Variants in CCDC125 observed in about 807,000 individuals in gnomAD.
CCDC125 encodes the protein coiled-coil domain-containing protein 125.
CCDC125 carries 43 observed loss-of-function variants against 57.4 expected under a neutral mutation model. The observed-to-expected ratio is 0.75, with a 90% CI of 0.59 to 0.97. The LOEUF (loss-of-function observed/expected upper bound fraction) is 0.97, where lower values mean the gene tolerates loss of function less well. Among genes scored for constraint, CCDC125 ranks in the 50% least tolerant of loss-of-function variants. The pLI is 0.00. For missense variants in CCDC125, 563 were observed against 595.7 expected (o/e 0.95, Z 0.57); for synonymous variants, 187 against 195.2 (o/e 0.96, Z 0.35).
At chr5:69,317,014 T>C (rs1311858833) in intron 2 of CCDC125, among the ~76,000 whole-genome samples, 2 of 152,122 alleles carry the variant, frequency 1.3e-5, no homozygotes, top group Non-Finnish European at 2.9e-5. Context: ...TCATGCTGTT[T>C]GTTTGTTTGT....
rs182767625 is a variant in CCDC125, at chr5:69,296,879, G to A, written c.817-1979C>T. On this transcript the variant is annotated intron_variant, in intron 8 of 11. Transcript: ENST00000396496. ...CTCGGGAGGCTGAGGCAGGAGAATC[G>A]CTTGAACCCGGGAGGCAGAGGTTGC... Among the ~76,000 whole-genome samples, 353 of 150,544 alleles carry A rather than the reference G, an allele frequency of 2.3e-3. 5 individuals are homozygous for A. Among genetic ancestry groups the A allele is most frequent in the Non-Finnish European group, 5.6e-4 (38 of 67,492 alleles).
chr5:69,304,716 C>A (rs1186461879), intron 6 of CCDC125, among the ~76,000 whole-genome samples: 1 of 152,132 alleles, frequency 6.6e-6, no homozygotes, highest in East Asian at 1.9e-4. Context: ...TGAGCCACTG[C>A]GCCTGGACTA....
intron 6 of CCDC125, among the ~76,000 whole-genome samples, chr5:69,304,525 A>G (rs1331571960): frequency 3.3e-5 from 5 of 150,994 alleles, no homozygotes; most frequent in Non-Finnish European, 7.4e-5. Flanking sequence ...TCCCAGGTTC[A>G]AGTGATTCTC....
At chr5:69,329,212 G>T (rs1238013348) in intron 1 of CCDC125, among the ~76,000 whole-genome samples, 1 of 151,326 alleles carries the variant, frequency 6.6e-6, no homozygotes, top group Non-Finnish European at 1.5e-5. Flanking sequence ...TCAGTCTGTT[G>T]ACCAGGCTGG....
chr5:69,283,433 G>A lies in CCDC125; in HGVS notation c.1231-399C>T, dbSNP rs191425406. Among the ~76,000 whole-genome samples, 8 of 152,054 alleles carry A rather than the reference G, an allele frequency of 5.3e-5. No homozygotes were observed. The East Asian group carries it at 1.6e-3, about 30-fold the overall frequency. On this transcript the variant is annotated intron_variant, in intron 11 of 11. Coordinates refer to ENST00000396496, the MANE Select transcript of CCDC125 (RefSeq NM_176816.5). ...GACGGGGTTTCACTGTGTTTGCCAG[G>A]ATGGTCTGAATCTCCTGACCTTGTG...
At chr5:69,308,367 C>A in intron 4 of CCDC125, 1 of 302,586 alleles carries the variant, frequency 3.3e-6, no homozygotes, top group Non-Finnish European at 6.4e-6. Context: ...TCATAATTAC[C>A]ACATGTTGTG....
chr5:69,283,365 G>A (rs531593662), intron 11 of CCDC125, among the ~76,000 whole-genome samples: 6 of 151,208 alleles, frequency 4.0e-5, no homozygotes, highest in Non-Finnish European at 8.8e-5. Flanking sequence ...GACCACAGGT[G>A]CCCGCCACCA....
At chr5:69,279,276 C>G (rs1752351567), downstream of CCDC125, among the ~76,000 whole-genome samples, 1 of 150,344 alleles carries the variant, frequency 6.7e-6, no homozygotes, top group Non-Finnish European at 1.5e-5. Flanking sequence ...CGGCTCACTG[C>G]AACCTCCGCC....
chr5:69,317,514 A>G (rs1190721207), intron 2 of CCDC125, among the ~76,000 whole-genome samples: 1 of 152,120 alleles, frequency 6.6e-6, no homozygotes, highest in Non-Finnish European at 1.5e-5. Flanking sequence ...ATCTGAAACC[A>G]TGTTTCTTAA....
chr5:69,331,514 G>A (rs2150705243), intron 1 of CCDC125, among the ~76,000 whole-genome samples: 1 of 152,128 alleles, frequency 6.6e-6, no homozygotes, highest in South Asian at 2.1e-4. Flanking sequence ...ACAGGCGTGA[G>A]CCACTGCGCC....
intron 4 of CCDC125, chr5:69,308,531 T>A (rs920466204): frequency 1.1e-5 from 2 of 189,206 alleles, no homozygotes; most frequent in Non-Finnish European, 2.2e-5. Context: ...ATGTTATAAG[T>A]GCCTTTCGCC....
At chr5:69,290,629 CTTT>C (rs373663120) in intron 10 of CCDC125, among the ~76,000 whole-genome samples, 1 of 117,760 alleles carries the variant, frequency 8.5e-6, no homozygotes. Flanking sequence ...TCTTTTTTTT[CTTT>C]TTTTTTTTTT....
intron 7 of CCDC125, among the ~76,000 whole-genome samples, chr5:69,303,526 C>T (rs187547334): frequency 2.2e-4 from 34 of 151,190 alleles, no homozygotes; most frequent in South Asian, 8.4e-4. Flanking sequence ...CACCATGTCT[C>T]GCTAATTTTT....
Position 69,317,505 on chromosome 5 carries a change from T to A in CCDC125, c.304+2732A>T, listed in dbSNP as rs1759314604. 1.3e-5 allele frequency among the ~76,000 whole-genome samples: 2 copies of A among 152,310 alleles called. 1 individual carries two copies. Among genetic ancestry groups the A allele is most frequent in the East Asian group, 3.9e-4 (2 of 5,186 alleles). ...ACGAGCTACCACGTATTTTTGTAAATCTGAAACCATGTTTCTTAAATCACT... is the reference window on the plus strand; with the variant it reads ...ACGAGCTACCACGTATTTTTGTAAAACTGAAACCATGTTTCTTAAATCACT... On this transcript the variant is annotated intron_variant, in intron 2 of 11. Coordinates refer to ENST00000396496, the MANE Select transcript of CCDC125 (RefSeq NM_176816.5).
intron 8 of CCDC125, among the ~76,000 whole-genome samples, chr5:69,298,252 G>A (rs983324940): frequency 7.9e-5 from 12 of 152,056 alleles, no homozygotes; most frequent in Non-Finnish European, 1.5e-4. Flanking sequence ...CTGACCTTGT[G>A]ATCCGCCCGC....
At chr5:69,283,729 C>A (rs926519198) in intron 11 of CCDC125, among the ~76,000 whole-genome samples, 1 of 151,906 alleles carries the variant, frequency 6.6e-6, no homozygotes, top group Admixed American at 6.6e-5. Flanking sequence ...CTCAAGTGAT[C>A]CACTCGCCTC....
rs1409906585 is a variant in CCDC125, at chr5:69,300,137, G to C, written c.701-10C>G. ...TACCGTTGATTCAAAACTAGGAAGG[G>C]CCATATGAGAAAGTATTCATTATGA... On this transcript the variant is annotated splice_polypyrimidine_tract_variant and intron_variant, in intron 7 of 11. Coordinates refer to ENST00000396496, the MANE Select transcript of CCDC125 (RefSeq NM_176816.5). 4 of 1,590,464 alleles carry C rather than the reference G, an allele frequency of 2.5e-6. No individual in the cohort carries two copies. The highest frequency in any genetic ancestry group is 1.3e-5 in the African/African-American group (1 of 74,538).
intron 10 of CCDC125, 101 bp downstream of exon 10, chr5:69,292,087 T>C: frequency 9.4e-7 from 1 of 1,065,338 alleles, no homozygotes; most frequent in Non-Finnish European, 1.3e-6. Context: ...GAAGTTTCAA[T>C]TATTTTTGCC....
downstream of CCDC125, among the ~76,000 whole-genome samples, chr5:69,277,682 A>G (rs1448476227): frequency 6.6e-6 from 1 of 151,954 alleles, no homozygotes; most frequent in Non-Finnish European, 1.5e-5. Flanking sequence ...AGGCAGGAGA[A>G]TGGCGAGAAC....
Sources: allele counts gnomAD v4.1 joint callset (sites outside exome capture counted in the v4.1 genomes callset), GRCh38; gene constraint gnomAD v4.1.1; transcripts MANE v1.5; gene names NCBI Gene and HGNC (gene_info 2026-07-23, HGNC 2026-07-21).